LRRN1: variants seen among roughly 807,000 people sequenced by gnomAD.
LRRN1 encodes leucine-rich repeat neuronal protein 1.
LRRN1 carries 14 observed loss-of-function variants against 45.8 expected under a neutral mutation model. The ratio of observed to expected loss-of-function variants is 0.31; its 90% CI spans 0.20 to 0.48. The LOEUF is 0.48. LRRN1 is among the 20% of genes least tolerant of loss of function. The probability of loss-of-function intolerance (pLI) is 0.99; values close to 1 mark genes in which losing one functional copy is unlikely to be tolerated. For missense variants in LRRN1, 789 were observed against 874.2 expected, an observed-to-expected ratio of 0.90 and a Z score of 1.23; for synonymous variants, 359 against 330.1, an observed-to-expected ratio of 1.09 and a Z score of -0.95.
chr3:3,819,403 G>A (rs1165574809), intron 1 of LRRN1, among the ~76,000 whole-genome samples: 1 of 152,144 alleles, frequency 6.6e-6, no homozygotes, highest in Non-Finnish European at 1.5e-5. Flanking sequence ...AGTTCTGTAG[G>A]CTAGAAGTCC....
intron 1 of LRRN1, among the ~76,000 whole-genome samples, chr3:3,834,654 C>A (rs1411644475): frequency 6.8e-6 from 1 of 148,082 alleles, no homozygotes; most frequent in Non-Finnish European, 1.5e-5. Context: ...TGCATGATCA[C>A]AAGGTCCCAC....
At chr3:3,804,227 T>G (rs564021806) in intron 1 of LRRN1, 1 of 152,340 alleles carries the variant, frequency 6.6e-6, no homozygotes, top group East Asian at 1.9e-4. Context: ...GATCAGTTGC[T>G]TAACCCCATA....
At chr3:3,809,888 A>G (rs1692841324) in intron 1 of LRRN1, among the ~76,000 whole-genome samples, 1 of 152,172 alleles carries the variant, frequency 6.6e-6, no homozygotes, top group Non-Finnish European at 1.5e-5. Context: ...TTCAAATCTG[A>G]CATTTCTGCC....
intron 1 of LRRN1, among the ~76,000 whole-genome samples, chr3:3,835,085 A>G (rs1186863888): frequency 6.6e-6 from 1 of 152,146 alleles, no homozygotes; most frequent in Non-Finnish European, 1.5e-5. Context: ...ACTTAGCCTT[A>G]AGTTTAGCTA....
chr3:3,809,733 T>G (rs575298167), intron 1 of LRRN1, among the ~76,000 whole-genome samples: 2 of 152,196 alleles, frequency 1.3e-5, no homozygotes, highest in Non-Finnish European at 1.5e-5. Context: ...TATCTACATC[T>G]GCAAAATGGG....
At chr3:3,826,313 C>A (rs1693214296) in intron 1 of LRRN1, among the ~76,000 whole-genome samples, 1 of 152,156 alleles carries the variant, frequency 6.6e-6, no homozygotes, top group Non-Finnish European at 1.5e-5. Context: ...GGGCTGATGA[C>A]TTCCTGAGGT....
chr3:3,835,942 G>C (rs748396343), intron 1 of LRRN1, among the ~76,000 whole-genome samples: 12 of 151,992 alleles, frequency 7.9e-5, no homozygotes, highest in Admixed American at 4.6e-4. Flanking sequence ...CCAATTCTGG[G>C]CCTTAAAGCC....
At chr3:3,828,490 A>C (rs955066194) in intron 1 of LRRN1, among the ~76,000 whole-genome samples, 2 of 151,716 alleles carry the variant, frequency 1.3e-5, no homozygotes, top group South Asian at 2.1e-4. Context: ...GGCAACACCC[A>C]CACACACACA....
At position 3,835,836 on chromosome 3, in the gene LRRN1, G is replaced by A. The variant is rs143808921; in HGVS notation, c.-278-8528G>A. 1.2e-3 allele frequency among the ~76,000 whole-genome samples: 183 copies of A among 151,292 alleles called. 1 individual carries two copies. Among genetic ancestry groups the A allele is most frequent in the Non-Finnish European group, 1.9e-3 (132 of 67,842 alleles). Reference sequence around the variant, plus strand: ...CATTTCCTTCAGAATTTTATACTCAGAACAGAGTGTCCCAAACATATCGTG... The same window carrying A: ...CATTTCCTTCAGAATTTTATACTCAAAACAGAGTGTCCCAAACATATCGTG... On this transcript the variant is annotated intron_variant, in intron 1 of 1. Transcript: ENST00000319331.
chr3:3,799,467 G>A lies in LRRN1; in HGVS notation c.-731G>A, dbSNP rs917590745. ...GGGGCGCACCGCGGGCGCCGGCAAC[G>A]AGCCGGTGAACGAGGCGAGGCCCGT... On this transcript the variant is annotated 5_prime_UTR_variant, in exon 1 of 2. Coordinates refer to ENST00000319331, the MANE Select transcript of LRRN1 (RefSeq NM_020873.7). 9 of 151,924 alleles carry A rather than the reference G, an allele frequency of 5.9e-5. No individual in the cohort carries two copies. Among genetic ancestry groups the A allele is most frequent in the African/African-American group, 2.2e-4 (9 of 41,410 alleles). 9.4% of individuals were successfully genotyped at this position (151,924 alleles called of 1,614,324 possible). A position where few individuals can be genotyped will look rare whatever the true frequency, so the allele number is the denominator to read the frequency against.
Position 3,845,347 on chromosome 3 carries a change from G to A in LRRN1, c.706G>A (p.Val236Met). The change falls in exon 2 of 2, where the codon GTG becomes ATG. Residue 236 changes from valine (V) to methionine (M), a missense_variant. Physicochemically the swap from Val to Met is conservative, Grantham distance 21. Coordinates refer to ENST00000319331, the MANE Select transcript of LRRN1 (RefSeq NM_020873.7). This position sits in a 1 kb window ranked among gnomAD's most constrained non-coding sequence, Gnocchi z 6.5. ...CACTGATATTCCTGGAAATGCTTTGGTGGGTCTGGATAGCCTTGAGAGCCT... is the reference window on the plus strand; with the variant it reads ...CACTGATATTCCTGGAAATGCTTTGATGGGTCTGGATAGCCTTGAGAGCCT... ...YLTDIPGNAL[V>M]GLDSLESLSF... The A allele has an allele frequency of 2.5e-6, 4 of 1,614,050 alleles. No individual in the cohort carries two copies. Among genetic ancestry groups the A allele is most frequent in the Non-Finnish European group, 3.4e-6 (4 of 1,180,010 alleles).
intron 1 of LRRN1, among the ~76,000 whole-genome samples, chr3:3,808,180 T>C (rs1264597958): frequency 6.6e-6 from 1 of 151,460 alleles, no homozygotes; most frequent in Non-Finnish European, 1.5e-5. Context: ...GAGGAAAATA[T>C]TACATAGAGC....
chr3:3,844,970 T>G lies in LRRN1; in HGVS notation c.329T>G (p.Ile110Ser). Residue 110 changes from isoleucine (I) to serine (S), a missense_variant, in exon 2 of 2, where the codon ATT (isoleucine) becomes AGT (serine). Ile to Ser is a moderately radical substitution (Grantham distance 142). Transcript: ENST00000319331. ...TTCTCCCAAAACAACTTTACTAACA[T>G]TAAGGAGGTCGGGCTGGCAAACCTA... ...LDFSQNNFTNIKEVGLANLTQ... is the reference protein window; with the variant it reads ...LDFSQNNFTNSKEVGLANLTQ... The G allele has an allele frequency of 6.2e-7, 1 of 1,614,068 alleles. No homozygotes were observed. Among genetic ancestry groups the G allele is most frequent in the Non-Finnish European group, 8.5e-7 (1 of 1,180,004 alleles).
intron 1 of LRRN1, among the ~76,000 whole-genome samples, chr3:3,832,185 T>G (rs1693387369): frequency 6.6e-6 from 1 of 152,226 alleles, no homozygotes. Context: ...CCTCCGTCTT[T>G]CAAGTCCTTG....
At chr3:3,810,890 A>ATTT (rs1692857944) in intron 1 of LRRN1, among the ~76,000 whole-genome samples, 1 of 152,108 alleles carries the variant, frequency 6.6e-6, no homozygotes. Context: ...AATACCATTA[A>ATTT]CTTGATTTTC....
intron 1 of LRRN1, among the ~76,000 whole-genome samples, chr3:3,840,092 G>C (rs1263218638): frequency 6.6e-6 from 1 of 152,080 alleles, no homozygotes; most frequent in African/African-American, 2.4e-5. Flanking sequence ...TTGCTATTAA[G>C]AATCATTTTA....
At chr3:3,802,455 C>G (rs1056522523) in intron 1 of LRRN1, among the ~76,000 whole-genome samples, 5 of 152,064 alleles carry the variant, frequency 3.3e-5, no homozygotes, top group East Asian at 1.9e-4. Context: ...AAATACAACA[C>G]CCCCCCAACC....
chr3:3,802,516 G>A (rs1362555722), intron 1 of LRRN1, among the ~76,000 whole-genome samples: 2 of 152,194 alleles, frequency 1.3e-5, no homozygotes, highest in African/African-American at 4.8e-5. Flanking sequence ...GTGTTTCGGG[G>A]GAGGGGTGGA....
intron 1 of LRRN1, among the ~76,000 whole-genome samples, chr3:3,808,130 G>A (rs139151759): frequency 4.1e-4 from 62 of 152,284 alleles, no homozygotes; most frequent in African/African-American, 7.7e-4. Flanking sequence ...GCACTGGAGC[G>A]GAGATTAGTT....
Sources: gnomAD v4.1 joint callset for allele counts (sites outside exome capture counted in the v4.1 genomes callset) on GRCh38, gnomAD v4.1.1 for gene constraint, Gnocchi (gnomAD v3.1) non-coding constraint, MANE v1.5 for transcripts, NCBI Gene and HGNC (gene_info 2026-07-23, HGNC 2026-07-21) for gene names.